Variants in HEMK2 observed in about 807,000 individuals in gnomAD.
HEMK2 encodes HemK methyltransferase 2, ETF1 glutamine and histone H4 lysine, also known as methyltransferase HEMK2.
chr21:28,768,249 C>T, the HEMK2 span, among the ~76,000 whole-genome samples: 1 of 152,130 alleles, frequency 6.6e-6, no homozygotes, highest in South Asian at 2.1e-4. Context: ...AGCAAAAGGC[C>T]ATCCTCTACC....
At chr21:28,596,753 G>T in the HEMK2 span, among the ~76,000 whole-genome samples, 609 of 152,224 alleles carry the variant, frequency 4.0e-3, 2 homozygotes, top group African/African-American at 0.014. Context: ...GCAGATGGAA[G>T]ATACGCTAAT....
At chr21:28,621,654 G>C in the HEMK2 span, among the ~76,000 whole-genome samples, 1 of 152,172 alleles carries the variant, frequency 6.6e-6, no homozygotes, top group Admixed American at 6.5e-5. Flanking sequence ...TTGGGGGCAG[G>C]GGGTGGATCT....
At chr21:28,640,968 T>C in the HEMK2 span, among the ~76,000 whole-genome samples, 28 of 151,458 alleles carry the variant, frequency 1.8e-4, 1 homozygote, top group Admixed American at 1.8e-3. Flanking sequence ...TAAAGGAATA[T>C]TCTACCCTAC....
At chr21:28,583,739 C>T in the HEMK2 span, among the ~76,000 whole-genome samples, 5 of 152,128 alleles carry the variant, frequency 3.3e-5, no homozygotes, top group African/African-American at 9.7e-5. Flanking sequence ...TGCAGCATTG[C>T]ATGGTTCTGT....
chr21:28,831,628 AAGGAAGGAAAGAAAGAAAG>A, the HEMK2 span, among the ~76,000 whole-genome samples: 2 of 64,426 alleles, frequency 3.1e-5, no homozygotes, highest in East Asian at 6.4e-4. Flanking sequence ...AGAAGGAAAG[AAGGAAGGAAAGAAAGAAAG>A]AAAGAAAGAA....
At chr21:28,741,201 C>T in the HEMK2 span, among the ~76,000 whole-genome samples, 449 of 152,212 alleles carry the variant, frequency 2.9e-3, 6 homozygotes, top group African/African-American at 0.01. Context: ...CATGATTAGA[C>T]CCATCTCCAA....
the HEMK2 span, among the ~76,000 whole-genome samples, chr21:28,656,303 A>G: frequency 6.6e-6 from 1 of 152,006 alleles, no homozygotes; most frequent in Non-Finnish European, 1.5e-5. Context: ...GGGGAAGTCC[A>G]AAAAAGTACC....
the HEMK2 span, among the ~76,000 whole-genome samples, chr21:28,688,447 G>C: frequency 6.6e-6 from 1 of 152,064 alleles, no homozygotes; most frequent in East Asian, 1.9e-4. Context: ...TGGCAGGTCT[G>C]GGAGAAGCTG....
the HEMK2 span, among the ~76,000 whole-genome samples, chr21:28,682,864 G>C: frequency 6.6e-6 from 1 of 152,156 alleles, no homozygotes; most frequent in African/African-American, 2.4e-5. Context: ...AGAACACATG[G>C]ACACAGGAAG....
At chr21:28,715,622 T>G in the HEMK2 span, among the ~76,000 whole-genome samples, 1 of 152,246 alleles carries the variant, frequency 6.6e-6, no homozygotes, top group Non-Finnish European at 1.5e-5. Context: ...TTTATTTTGC[T>G]GTGCAGAAGT....
At chr21:28,682,792 T>G in the HEMK2 span, among the ~76,000 whole-genome samples, 1 of 152,048 alleles carries the variant, frequency 6.6e-6, no homozygotes, top group African/African-American at 2.4e-5. Flanking sequence ...CTCAGCAAAC[T>G]ATCGCAAGGA....
At chr21:28,706,671 C>G in the HEMK2 span, among the ~76,000 whole-genome samples, 1 of 152,088 alleles carries the variant, frequency 6.6e-6, no homozygotes, top group African/African-American at 2.4e-5. Context: ...CCTTCATGAA[C>G]GTTATCACTG....
the HEMK2 span, among the ~76,000 whole-genome samples, chr21:28,834,446 CA>C: frequency 1.3e-5 from 2 of 152,170 alleles, no homozygotes; most frequent in Non-Finnish European, 2.9e-5. Context: ...GAAGCTGAGT[CA>C]ATCTAGAGAG....
chr21:28,690,506 G>T, the HEMK2 span, among the ~76,000 whole-genome samples: 6 of 152,054 alleles, frequency 3.9e-5, no homozygotes, highest in Admixed American at 6.6e-5. Flanking sequence ...AATAAATTGT[G>T]GTTTTTTTAA....
the HEMK2 span, among the ~76,000 whole-genome samples, chr21:28,842,321 AAAAG>A: frequency 1.3e-5 from 2 of 152,168 alleles, no homozygotes; most frequent in Non-Finnish European, 2.9e-5. Context: ...CACTATTAAT[AAAAG>A]ATTGAGATAA....
chr21:28,850,217 CTTTTTTT>C, the HEMK2 span, among the ~76,000 whole-genome samples: 14 of 94,428 alleles, frequency 1.5e-4, no homozygotes, highest in Non-Finnish European at 2.3e-4. Flanking sequence ...ATTCAGCATT[CTTTTTTT>C]TTTTTTTTTT....
chr21:28,755,563 T>C, the HEMK2 span, among the ~76,000 whole-genome samples: 13 of 152,204 alleles, frequency 8.5e-5, no homozygotes, highest in African/African-American at 2.9e-4. Flanking sequence ...TCTGGAAGGC[T>C]TGCTCAGGAA....
At chr21:28,775,045 C>T in the HEMK2 span, among the ~76,000 whole-genome samples, 1 of 152,116 alleles carries the variant, frequency 6.6e-6, no homozygotes, top group African/African-American at 2.4e-5. Flanking sequence ...GGAAGGAGGC[C>T]CTTCAGGCAA....
chr21:28,588,469 C>T, the HEMK2 span, among the ~76,000 whole-genome samples: 3 of 152,268 alleles, frequency 2.0e-5, no homozygotes, highest in South Asian at 2.1e-4. Flanking sequence ...CCCACTCAGT[C>T]GGTGACCAGG....
Sources: allele counts gnomAD v4.1 joint callset (sites outside exome capture counted in the v4.1 genomes callset), GRCh38; gene constraint gnomAD v4.1.1; transcripts MANE v1.5; gene names NCBI Gene and HGNC (gene_info 2026-07-23, HGNC 2026-07-21).